Variants in RUFY1 observed in about 807,000 individuals in gnomAD.
The protein encoded by RUFY1 is RUN and FYVE domain-containing protein 1.
Under a neutral mutation model 94.6 loss-of-function variants are expected in RUFY1, and 54 were observed. The ratio of observed to expected loss-of-function variants is 0.57; its 90% CI spans 0.46 to 0.72. The LOEUF is 0.72. Among genes scored for constraint, RUFY1 ranks in the 30% least tolerant of loss-of-function variants. RUFY1 has a pLI of 0.00. For synonymous variants in RUFY1, 396 were observed against 347.3 expected, an observed-to-expected ratio of 1.14 and a Z score of -1.56; for missense variants, 883 against 883.9, an observed-to-expected ratio of 1.00 and a Z score of 0.01.
At chr5:179,595,028 T>TTG in intron 12 of RUFY1, 65 bp downstream of exon 12, 1 of 1,173,544 alleles carries the variant, frequency 8.5e-7, no homozygotes, top group East Asian at 2.5e-5. Flanking sequence ...CCTGGAGACT[T>TTG]ATTCAGAGTC....
At chr5:179,560,740 A>G (rs934843665) in intron 2 of RUFY1, among the ~76,000 whole-genome samples, 10 of 151,000 alleles carry the variant, frequency 6.6e-5, no homozygotes, top group Non-Finnish European at 1.0e-4. Context: ...AAAAAAAAAA[A>G]AAAGAAAAAA....
At chr5:179,553,008 C>G (rs7718673) in intron 1 of RUFY1, among the ~76,000 whole-genome samples, 3 of 152,094 alleles carry the variant, frequency 2.0e-5, no homozygotes, top group Non-Finnish European at 2.9e-5. Context: ...TTTGATCACT[C>G]TGGTGGAAAG....
intron 5 of RUFY1, 98 bp from the exon 6 acceptor site, chr5:179,576,977 A>G (rs889086548): frequency 3.4e-6 from 3 of 871,680 alleles, no homozygotes; most frequent in South Asian, 1.4e-5. Context: ...AAATGTTCAT[A>G]GGAAAGAGAT....
chr5:179,598,658 C>T (rs763442954), intron 13 of RUFY1, 34 bp from the exon 14 acceptor site: 4 of 1,612,512 alleles, frequency 2.5e-6, no homozygotes, highest in African/African-American at 1.3e-5. Flanking sequence ...AAGTCTCCCA[C>T]TGAGACTAAC....
intron 14 of RUFY1, among the ~76,000 whole-genome samples, chr5:179,600,851 C>G (rs72824524): frequency 0.089 from 13,548 of 151,894 alleles, 692 homozygotes; most frequent in Middle Eastern, 0.13. Flanking sequence ...CATGTGCCAC[C>G]ATGCCCTGCT....
Position 179,604,651 on chromosome 5 carries a change from T to TCTGATGATAGTTCAGA in RUFY1, c.1857-1219_1857-1204dup, listed in dbSNP as rs1248941059. On this transcript the variant is annotated intron_variant, in intron 15 of 17. Coordinates refer to ENST00000319449, the MANE Select transcript of RUFY1 (RefSeq NM_025158.5). ...CATTTTGTCACTGAGATGAGTCTAA[T>TCTGATGATAGTTCAGA]CTGATGATAGTTCAGACTGATCTCA... is the stretch of plus-strand genomic sequence containing the variant. Among the ~76,000 whole-genome samples, 5 of 152,186 alleles carry TCTGATGATAGTTCAGA rather than the reference T, an allele frequency of 3.3e-5. No individual in the cohort carries two copies. The East Asian group carries it at 5.8e-4, about 18-fold the overall frequency.
intron 9 of RUFY1, 34 bp downstream of exon 9, chr5:179,589,681 TCTCA>T: frequency 1.4e-6 from 2 of 1,449,842 alleles, no homozygotes; most frequent in Non-Finnish European, 1.9e-6. Context: ...GCAGCATGTT[TCTCA>T]CTCAGACACA....
intron 4 of RUFY1, 80 bp downstream of exon 4, chr5:179,567,642 T>A: frequency 1.0e-6 from 1 of 967,846 alleles, no homozygotes; most frequent in Non-Finnish European, 1.6e-6. Flanking sequence ...CTCACACCTG[T>A]AATCCCAGCA....
intron 16 of RUFY1, 94 bp downstream of exon 16, chr5:179,606,018 C>T (rs557512215): frequency 7.2e-5 from 62 of 860,406 alleles, no homozygotes; most frequent in South Asian, 6.4e-4. Flanking sequence ...CAGGTGAGAG[C>T]GTGTGGTTGA....
Position 179,598,771 on chromosome 5 carries a change from A to G in RUFY1, c.1711A>G (p.Thr571Ala). 1 of 1,614,186 alleles carries G rather than the reference A, an allele frequency of 6.2e-7. No individual in the cohort carries two copies. The highest frequency in any genetic ancestry group is 1.3e-5 in the African/African-American group (1 of 75,058). ...LQRELQHEKDTSSLLRMELQQ... is the reference protein window; with the variant it reads ...LQRELQHEKDASSLLRMELQQ... ...GCGCGAATTACAGCACGAGAAAGACACTTCCTCTCTACTCAGGATGGAGCT... is the reference window on the plus strand; with the variant it reads ...GCGCGAATTACAGCACGAGAAAGACGCTTCCTCTCTACTCAGGATGGAGCT... The change falls in exon 14 of 18, where the codon ACT becomes GCT. Residue 571 changes from threonine (T) to alanine (A), a missense_variant. Coordinates refer to ENST00000319449, the MANE Select transcript of RUFY1 (RefSeq NM_025158.5).
intron 3 of RUFY1, 110 bp downstream of exon 3, chr5:179,562,774 T>C: frequency 1.4e-6 from 1 of 694,024 alleles, no homozygotes; most frequent in Non-Finnish European, 2.6e-6. Flanking sequence ...AGAGCTCTGC[T>C]GCTCATTATC....
chr5:179,583,381 T>G (rs1419302296), intron 7 of RUFY1, among the ~76,000 whole-genome samples: 4 of 147,250 alleles, frequency 2.7e-5, no homozygotes, highest in Non-Finnish European at 5.9e-5. Flanking sequence ...CATCTGGGTT[T>G]TCTTTTGAGG....
rs1424706191 is a variant in RUFY1 at position 179,598,816 on chromosome 5, A to C, written c.1756A>C (p.Lys586Gln). The C allele has an allele frequency of 1.2e-6, 2 of 1,613,536 alleles. No individual in the cohort carries two copies. Among genetic ancestry groups the C allele is most frequent in the Non-Finnish European group, 1.7e-6 (2 of 1,179,670 alleles). ...GGAGCTGCAACAAGTGGAAGGACTG[A>C]AAAAGGTGAGGTGGGCCATCCCGGG... ...RMELQQVEGL[K>Q]KELRELQDEK... is the part of the protein sequence containing the mutation. The change falls in exon 14 of 18, where the codon AAA (lysine) becomes CAA (glutamine). Residue 586 changes from lysine to glutamine, a missense_variant. Transcript: ENST00000319449.
At chr5:179,580,086 C>T (rs987747410) in intron 6 of RUFY1, among the ~76,000 whole-genome samples, 6 of 151,612 alleles carry the variant, frequency 4.0e-5, no homozygotes, top group East Asian at 1.9e-4. Flanking sequence ...ATTTTGCAGA[C>T]GTAAGAAAGA....
intron 12 of RUFY1, 67 bp from the exon 13 acceptor site, chr5:179,596,495 C>A: frequency 6.3e-7 from 1 of 1,588,800 alleles, no homozygotes; most frequent in Non-Finnish European, 8.6e-7. Flanking sequence ...TGAATTTCAG[C>A]CAGCAAAAGT....
chr5:179,559,481 G>T (rs1388694140), intron 1 of RUFY1, among the ~76,000 whole-genome samples: 1 of 152,206 alleles, frequency 6.6e-6, no homozygotes, highest in Non-Finnish European at 1.5e-5. Flanking sequence ...GGCACTATCC[G>T]GCAAGAGAGA....
chr5:179,560,921 C>T (rs1048587237), intron 2 of RUFY1, among the ~76,000 whole-genome samples: 2 of 150,964 alleles, frequency 1.3e-5, no homozygotes, highest in African/African-American at 4.9e-5. Context: ...ATTTAAAAGC[C>T]TTATTAGGCC....
Position 179,589,460 on chromosome 5 carries a change from A to G in RUFY1, c.1027-86A>G, listed in dbSNP as rs1456645172. 5.9e-6 allele frequency: 5 copies of G among 840,372 alleles called. No homozygotes were observed. In the African/African-American group the frequency reaches 6.7e-5, roughly 11 times the overall value. 52.1% of individuals were successfully genotyped at this position (840,372 alleles called of 1,614,324 possible). A position where few individuals can be genotyped will look rare whatever the true frequency, so the allele number is the denominator to read the frequency against. On this transcript the variant is annotated intron_variant, in intron 8 of 17. Transcript: ENST00000319449. ...TCAAACCTGTGAACATACATTGTCA[A>G]CTGTGAAGATGCCAAATTAATGTTT...
At chr5:179,601,093 C>T (rs533563718) in intron 14 of RUFY1, among the ~76,000 whole-genome samples, 1 of 152,324 alleles carries the variant, frequency 6.6e-6, no homozygotes, top group South Asian at 2.1e-4. Flanking sequence ...TGCCTTTTAG[C>T]TGCCCAGTGT....
Sources: allele counts gnomAD v4.1 joint callset (sites outside exome capture counted in the v4.1 genomes callset), GRCh38; gene constraint gnomAD v4.1.1; transcripts MANE v1.5; gene names NCBI Gene and HGNC (gene_info 2026-07-23, HGNC 2026-07-21).